The following SYCP1 variants were observed in gnomAD, a reference collection of about 807,000 sequenced individuals.
SYCP1 encodes synaptonemal complex protein 1, also known as cancer/testis antigen 8.
Under a neutral mutation model 153.1 loss-of-function variants are expected in SYCP1, and 64 were observed. The observed-to-expected ratio is 0.42, with a 90% CI of 0.34 to 0.51. SYCP1 has a LOEUF of 0.51. Among genes scored for constraint, SYCP1 ranks in the 20% least tolerant of loss-of-function variants. The pLI is 0.06. For synonymous variants in SYCP1, 384 were observed against 341.8 expected (o/e 1.12, Z -1.36); for missense variants, 997 against 1,049.0 (o/e 0.95, Z 0.68).
intron 27 of SYCP1, among the ~76,000 whole-genome samples, chr1:114,976,882 G>C (rs1672825241): frequency 6.6e-6 from 1 of 151,688 alleles, no homozygotes; most frequent in African/African-American, 2.4e-5. Context: ...GAGTTTTACT[G>C]CCTAAAATTC....
chr1:114,976,719 A>G (rs191636149), intron 27 of SYCP1, among the ~76,000 whole-genome samples: 222 of 151,946 alleles, frequency 1.5e-3, no homozygotes, highest in Admixed American at 2.2e-3. Context: ...TATAGGATAC[A>G]TAATAAGAAC....
chr1:114,877,885 C>G (rs896816286), intron 11 of SYCP1, among the ~76,000 whole-genome samples: 1 of 152,138 alleles, frequency 6.6e-6, no homozygotes, highest in Non-Finnish European at 1.5e-5. Context: ...TTGCCTTTTT[C>G]AATTTGATAT....
chr1:114,930,037 GAT>G (rs747414421), intron 23 of SYCP1, among the ~76,000 whole-genome samples: 1 of 151,930 alleles, frequency 6.6e-6, no homozygotes, highest in Non-Finnish European at 1.5e-5. Context: ...GTAAGTATAA[GAT>G]ATCTGGAAAA....
chr1:114,927,076 T>C (rs1367201101), intron 23 of SYCP1, among the ~76,000 whole-genome samples: 1 of 152,096 alleles, frequency 6.6e-6, no homozygotes. Flanking sequence ...ATAAATAGTT[T>C]TTGAATTATG....
rs757308615 is a variant in SYCP1, at chr1:114,874,544, G to C, written c.637G>C (p.Asp213His). 1.3e-6 allele frequency: 2 copies of C among 1,576,764 alleles called. No homozygotes were observed. The highest frequency in any genetic ancestry group is 4.5e-5 in the East Asian group (2 of 44,112). ...GGAAGAAACCAGGCAAGTTTATATG[G>C]ATCTAAATAATAACATTGAGGTGAG... is the stretch of plus-strand genomic sequence containing the variant. The part of the protein sequence containing the change: ...EREETRQVYM[D>H]LNNNIEKMIT... Residue 213 changes from aspartate to histidine, a missense_variant, in exon 9 of 32, where the codon GAT becomes CAT. Coordinates refer to ENST00000369522, the MANE Select transcript of SYCP1 (RefSeq NM_003176.4).
intron 16 of SYCP1, among the ~76,000 whole-genome samples, chr1:114,899,035 T>C (rs1667248320): frequency 6.6e-6 from 1 of 152,216 alleles, no homozygotes; most frequent in South Asian, 2.1e-4. Context: ...GGGCTTTTAT[T>C]GGCTCTGCAA....
chr1:114,977,820 A>C (rs1672901620), intron 28 of SYCP1: 1 of 349,118 alleles, frequency 2.9e-6, no homozygotes, highest in Admixed American at 4.8e-5. Context: ...GATTTGGAGA[A>C]GGTTTCAGTC....
intron 12 of SYCP1, among the ~76,000 whole-genome samples, chr1:114,885,108 T>C (rs552373196): frequency 2.6e-5 from 4 of 152,264 alleles, no homozygotes; most frequent in African/African-American, 9.6e-5. Flanking sequence ...GTGTGTATCT[T>C]TTCCTTTTGC....
chr1:114,874,850 A>G (rs1351316610), intron 9 of SYCP1, among the ~76,000 whole-genome samples: 1 of 152,174 alleles, frequency 6.6e-6, no homozygotes, highest in East Asian at 1.9e-4. Flanking sequence ...ATTTGAAAAC[A>G]TATAAAGTAT....
At chr1:114,930,200 G>A (rs546817748) in intron 23 of SYCP1, among the ~76,000 whole-genome samples, 6 of 152,144 alleles carry the variant, frequency 3.9e-5, no homozygotes, top group African/African-American at 1.4e-4. Flanking sequence ...GGAGCTCTTA[G>A]AGGGAAATTT....
chr1:114,916,580 AAGTTTGATTTT>A (rs1668521707), intron 20 of SYCP1, among the ~76,000 whole-genome samples: 1 of 150,756 alleles, frequency 6.6e-6, no homozygotes, highest in Non-Finnish European at 1.5e-5. Flanking sequence ...GGAAGCTTTC[AAGTTTGATTTT>A]AGAATTTCTT....
intron 23 of SYCP1, among the ~76,000 whole-genome samples, chr1:114,932,768 T>C: frequency 6.6e-6 from 1 of 152,244 alleles, no homozygotes; most frequent in East Asian, 1.9e-4. Flanking sequence ...CTTGCCTGGC[T>C]GGGAGGGTCC....
chr1:114,935,711 A>T (rs955457787), intron 23 of SYCP1, among the ~76,000 whole-genome samples: 2 of 152,242 alleles, frequency 1.3e-5, no homozygotes, highest in African/African-American at 4.8e-5. Flanking sequence ...ATAAAAAATG[A>T]TAAAGGGGAT....
rs145609140 is a variant in SYCP1 at position 114,943,092 on chromosome 1, G to C, written c.1927-1247G>C. Among the ~76,000 whole-genome samples the C allele has an allele frequency of 3.3e-3, 500 of 152,050 alleles. 2 individuals are homozygous for C. Among genetic ancestry groups the C allele is most frequent in the African/African-American group, 0.011 (474 of 41,530 alleles). Reference sequence around the variant, plus strand: ...AACAAAACTTCAGTCAAATACTTTTGTCTGACACTATCAACTCTTGGTGAA... The same window carrying C: ...AACAAAACTTCAGTCAAATACTTTTCTCTGACACTATCAACTCTTGGTGAA... On this transcript the variant is annotated intron_variant, in intron 23 of 31. Coordinates refer to ENST00000369522, the MANE Select transcript of SYCP1 (RefSeq NM_003176.4).
chr1:114,873,275 A>G (rs146608249), intron 8 of SYCP1, among the ~76,000 whole-genome samples: 23 of 152,264 alleles, frequency 1.5e-4, no homozygotes, highest in African/African-American at 5.5e-4. Flanking sequence ...ATGTGCTGGT[A>G]AAGTATAGGG....
chr1:114,912,923 T>G (rs1052449236), intron 18 of SYCP1, 110 bp from the exon 19 acceptor site: 3 of 702,894 alleles, frequency 4.3e-6, no homozygotes, highest in Non-Finnish European at 7.1e-6. Flanking sequence ...TGTTTCATGT[T>G]TTTCCCCCAG....
chr1:114,991,568 G>A (rs921684692), intron 30 of SYCP1, among the ~76,000 whole-genome samples: 4 of 151,650 alleles, frequency 2.6e-5, no homozygotes, highest in Admixed American at 2.6e-4. Flanking sequence ...TATCATCATC[G>A]TGATGCAAAA....
chr1:114,874,761 A>G (rs561808398), intron 9 of SYCP1, among the ~76,000 whole-genome samples, 197 bp downstream of exon 9: 1 of 152,224 alleles, frequency 6.6e-6, no homozygotes, highest in Non-Finnish European at 1.5e-5. Context: ...TTTGATTTAC[A>G]TGTTAGTGAC....
At chr1:114,979,130 C>T (rs76990999) in intron 28 of SYCP1, among the ~76,000 whole-genome samples, 4 of 147,940 alleles carry the variant, frequency 2.7e-5, no homozygotes, top group East Asian at 3.9e-4. Flanking sequence ...AGAAATTTAA[C>T]TAGGCTTTTT....
Sources: gnomAD v4.1 joint callset for allele counts (sites outside exome capture counted in the v4.1 genomes callset) on GRCh38, gnomAD v4.1.1 for gene constraint, MANE v1.5 for transcripts, NCBI Gene and HGNC (gene_info 2026-07-23, HGNC 2026-07-21) for gene names.